CSMD1: variants seen among roughly 807,000 people sequenced by gnomAD.
CSMD1 encodes the protein CUB and Sushi multiple domains 1.
Under a neutral mutation model 417.5 loss-of-function variants are expected in CSMD1, and 213 were observed. That is an observed-to-expected ratio of 0.51 (90% CI 0.46 to 0.57). The LOEUF is 0.57. Among genes scored for constraint, CSMD1 ranks in the 20% least tolerant of loss-of-function variants. CSMD1 has a pLI of 0.00. For missense variants in CSMD1, 6,923 were observed against 4,529.7 expected (o/e 1.53, Z -15.17); for synonymous variants, 2,862 against 1,736.8 (o/e 1.65, Z -16.11).
intron 5 of CSMD1, among the ~76,000 whole-genome samples, chr8:3,846,322 T>C (rs1803500486): frequency 2.0e-5 from 3 of 152,198 alleles, no homozygotes; most frequent in Admixed American, 2.0e-4. Flanking sequence ...GAGAATCTTA[T>C]CCAACCACCT....
chr8:4,428,559 C>T (rs1230869821), intron 2 of CSMD1, among the ~76,000 whole-genome samples: 2 of 152,062 alleles, frequency 1.3e-5, no homozygotes, highest in Non-Finnish European at 2.9e-5. Flanking sequence ...TATTTTCCTA[C>T]AATAAACTTG....
intron 5 of CSMD1, among the ~76,000 whole-genome samples, chr8:3,817,339 G>A (rs548672517): frequency 7.5e-6 from 1 of 133,948 alleles, no homozygotes; most frequent in East Asian, 2.3e-4. Flanking sequence ...GGAGTACAGT[G>A]GCGGGATCTT....
chr8:3,557,030 C>A (rs976987959), intron 10 of CSMD1, among the ~76,000 whole-genome samples: 3 of 152,160 alleles, frequency 2.0e-5, no homozygotes, highest in African/African-American at 7.2e-5. Context: ...TTGGTGGAAA[C>A]TGCAGGGTAA....
intron 10 of CSMD1, among the ~76,000 whole-genome samples, chr8:3,535,864 T>C (rs1161929618): frequency 6.6e-6 from 1 of 152,152 alleles, no homozygotes; most frequent in African/African-American, 2.4e-5. Context: ...TTGGCCCTGT[T>C]GTAGGTAGAA....
At chr8:3,626,717 G>A (rs545909876) in intron 7 of CSMD1, among the ~76,000 whole-genome samples, 12 of 151,002 alleles carry the variant, frequency 7.9e-5, no homozygotes, top group African/African-American at 2.9e-4. Flanking sequence ...TATGTATTAT[G>A]TAATTTATGG....
intron 5 of CSMD1, among the ~76,000 whole-genome samples, chr8:3,925,337 T>A (rs1207679887): frequency 6.6e-6 from 1 of 152,250 alleles, no homozygotes; most frequent in Non-Finnish European, 1.5e-5. Flanking sequence ...ATATATTATA[T>A]GCTATCCTAT....
chr8:3,952,973 C>T (rs906380254), intron 5 of CSMD1, among the ~76,000 whole-genome samples: 1 of 150,628 alleles, frequency 6.6e-6, no homozygotes, highest in African/African-American at 2.4e-5. Context: ...TTCCAGAATA[C>T]ACTATTTAAA....
chr8:4,753,640 C>T (rs1226771211), intron 1 of CSMD1, among the ~76,000 whole-genome samples: 1 of 152,184 alleles, frequency 6.6e-6, no homozygotes, highest in Non-Finnish European at 1.5e-5. Context: ...CGCAGCAGGA[C>T]ATGACCTTTT....
At chr8:4,450,149 C>T (rs1799051045) in intron 2 of CSMD1, among the ~76,000 whole-genome samples, 1 of 152,046 alleles carries the variant, frequency 6.6e-6, no homozygotes, top group South Asian at 2.1e-4. Context: ...AATTACAACC[C>T]CAAAATGGTT....
chr8:3,347,877 A>T, intron 22 of CSMD1, 115 bp downstream of exon 22: 1 of 629,940 alleles, frequency 1.6e-6, no homozygotes. Flanking sequence ...CAAATAAATC[A>T]TATATAAAAA....
chr8:4,157,772 G>C (rs1010991916), intron 3 of CSMD1, among the ~76,000 whole-genome samples: 1 of 152,180 alleles, frequency 6.6e-6, no homozygotes. Flanking sequence ...GCCTGGTCCA[G>C]CGTTCACAGC....
chr8:4,476,693 A>G (rs1035870668), intron 2 of CSMD1, among the ~76,000 whole-genome samples: 2 of 152,170 alleles, frequency 1.3e-5, no homozygotes, highest in Non-Finnish European at 2.9e-5. Context: ...ATGCCAGTTC[A>G]AGTCCCGATT....
At chr8:4,460,753 A>T in intron 2 of CSMD1, among the ~76,000 whole-genome samples, 1 of 152,160 alleles carries the variant, frequency 6.6e-6, no homozygotes, top group East Asian at 1.9e-4. Flanking sequence ...AAACAACATC[A>T]GAATAGACCT....
At chr8:4,702,153 A>G (rs1051548879) in intron 1 of CSMD1, among the ~76,000 whole-genome samples, 12 of 152,156 alleles carry the variant, frequency 7.9e-5, no homozygotes, top group African/African-American at 2.9e-4. Context: ...ATAGCTAATG[A>G]ATGCTGGGCT....
At position 4,973,949 on chromosome 8, in the gene CSMD1, A is replaced by G. The variant is rs1438905103; in HGVS notation, c.85+20383T>C. The stretch of plus-strand genomic sequence containing the variant: ...GGAATAAAAAGGAAAAGTAATTTTT[A>G]CAAAGCTAAGTCACTTAATAACAAG... On this transcript the variant is annotated intron_variant, in intron 1 of 69. Coordinates refer to ENST00000635120, the MANE Select transcript of CSMD1 (RefSeq NM_033225.6). Among the ~76,000 whole-genome samples, 4 of 152,222 alleles carry G rather than the reference A, an allele frequency of 2.6e-5. 1 individual carries two copies. The highest frequency in any genetic ancestry group is 1.3e-4 in the Admixed American group (2 of 15,280).
intron 2 of CSMD1, among the ~76,000 whole-genome samples, chr8:4,595,020 G>A (rs7836684): frequency 0.93 from 141,050 of 152,024 alleles, 65,527 homozygotes; most frequent in East Asian, 0.97. Context: ...GGAATATACT[G>A]GATTCCTTGT....
intron 1 of CSMD1, among the ~76,000 whole-genome samples, chr8:4,663,163 C>T (rs1025236488): frequency 6.6e-6 from 1 of 152,206 alleles, no homozygotes; most frequent in African/African-American, 2.4e-5. Context: ...TGGAAACCCA[C>T]TGGATCAGCT....
intron 1 of CSMD1, among the ~76,000 whole-genome samples, chr8:4,922,549 T>C (rs1480105647): frequency 6.6e-6 from 1 of 152,224 alleles, no homozygotes; most frequent in Admixed American, 6.5e-5. Flanking sequence ...CTTTCAGTTT[T>C]TAAGTGCACA....
At chr8:4,029,042 C>T (rs1009668270) in intron 4 of CSMD1, among the ~76,000 whole-genome samples, 1 of 152,130 alleles carries the variant, frequency 6.6e-6, no homozygotes, top group African/African-American at 2.4e-5. Context: ...CTTACAATCA[C>T]CTTATCTGAG....
Sources: allele counts gnomAD v4.1 joint callset (sites outside exome capture counted in the v4.1 genomes callset), GRCh38; gene constraint gnomAD v4.1.1; transcripts MANE v1.5; gene names NCBI Gene and HGNC (gene_info 2026-07-23, HGNC 2026-07-21).